FARP1: variants seen among roughly 807,000 people sequenced by gnomAD.
The protein encoded by FARP1 is FERM, ARHGEF and pleckstrin domain-containing protein 1.
Under a neutral mutation model 128.8 loss-of-function variants are expected in FARP1, and 52 were observed. The observed-to-expected ratio is 0.40, with a 90% CI of 0.32 to 0.51. FARP1 has a LOEUF of 0.51. Among genes scored for constraint, FARP1 ranks in the 20% least tolerant of loss-of-function variants. The pLI is 0.45. For synonymous variants in FARP1, 580 were observed against 551.8 expected (o/e 1.05, Z -0.72); for missense variants, 1,333 against 1,367.9 (o/e 0.97, Z 0.40).
At chr13:98,294,016 T>C (rs993096719) in intron 2 of FARP1, among the ~76,000 whole-genome samples, 25 of 152,238 alleles carry the variant, frequency 1.6e-4, no homozygotes, top group African/African-American at 6.0e-4. Flanking sequence ...TATTTATGTG[T>C]GTCGAAGTCC....
chr13:98,310,479 A>G (rs1176443869), intron 2 of FARP1, among the ~76,000 whole-genome samples: 2 of 152,238 alleles, frequency 1.3e-5, no homozygotes, highest in African/African-American at 4.8e-5. Context: ...AAGAATTTGA[A>G]ACTAGGAATT....
chr13:98,326,679 C>G (rs776447726), intron 2 of FARP1, among the ~76,000 whole-genome samples: 9 of 152,218 alleles, frequency 5.9e-5, no homozygotes, highest in Non-Finnish European at 1.0e-4. Flanking sequence ...CTAGGATATG[C>G]AGCTCCAATA....
At chr13:98,327,423 G>A (rs902163331) in intron 2 of FARP1, among the ~76,000 whole-genome samples, 13 of 152,194 alleles carry the variant, frequency 8.5e-5, no homozygotes, top group South Asian at 2.1e-4. Context: ...TCATTAAAAC[G>A]GTGCTTGTTA....
chr13:98,398,675 A>G (rs1283365059), intron 13 of FARP1: 2 of 152,220 alleles, frequency 1.3e-5, no homozygotes, highest in African/African-American at 2.4e-5. Flanking sequence ...TTTTGCAGTT[A>G]TAACACATTT....
chr13:98,442,516 T>A (rs1258407624), intron 24 of FARP1, among the ~76,000 whole-genome samples: 1 of 152,218 alleles, frequency 6.6e-6, no homozygotes, highest in Admixed American at 6.5e-5. Flanking sequence ...TACGAGGCTC[T>A]GTCCCATGGG....
Position 98,213,361 on chromosome 13 carries a change from T to C in FARP1, c.119T>C (p.Val40Ala). The change falls in exon 2 of 27, where the codon GTG becomes GCG. Residue 40 changes from valine to alanine, a missense_variant. By Grantham distance (64) the Val-to-Ala change is moderately conservative. This residue lies in a region of FARP1 where 324 missense variants were observed against 398.1 expected (regional missense o/e 0.81). Transcript: ENST00000319562. Reference sequence around the variant, plus strand: ...CCCCCAACACCTTCAGGAAAACTCGTGTCCATCAAAATCCAGATGCTGGAT... The same window carrying C: ...CCCCCAACACCTTCAGGAAAACTCGCGTCCATCAAAATCCAGATGCTGGAT... ...KPPPTPSGKL[V>A]SIKIQMLDDT... The C allele has an allele frequency of 6.2e-7, 1 of 1,614,128 alleles. No homozygotes were observed. Among genetic ancestry groups the C allele is most frequent in the Non-Finnish European group, 8.5e-7 (1 of 1,180,020 alleles).
Position 98,176,701 on chromosome 13 carries a change from G to C in FARP1, c.-24+33209G>C, listed in dbSNP as rs765866455. On this transcript the variant is annotated intron_variant, in intron 1 of 26. Transcript: ENST00000319562. The surrounding 1 kb of genome is among the most constrained non-coding windows in gnomAD (Gnocchi z 6.2). The stretch of plus-strand genomic sequence containing the variant: ...CACAGTGGCGCGCAGATGCCCTGGC[G>C]CACGTATGGGGCCCTTCCTCGCCAT... The C allele has an allele frequency of 1.4e-5, 22 of 1,614,048 alleles. No individual in the cohort carries two copies. The highest frequency in any genetic ancestry group is 1.9e-5 in the Non-Finnish European group (22 of 1,180,030).
chr13:98,409,114 T>G (rs1223571410), intron 13 of FARP1, among the ~76,000 whole-genome samples: 1 of 152,190 alleles, frequency 6.6e-6, no homozygotes, highest in Admixed American at 6.5e-5. Context: ...CTCTATCTTA[T>G]CATTAATTAC....
intron 24 of FARP1, among the ~76,000 whole-genome samples, chr13:98,441,600 T>C (rs1283502448): frequency 6.6e-6 from 1 of 151,992 alleles, no homozygotes; most frequent in Non-Finnish European, 1.5e-5. Flanking sequence ...ACAGTGGGGG[T>C]CTTAGAACCT....
In FARP1 at chr13:98,176,248, T is replaced by C. The variant is rs369128203; in HGVS notation, c.-24+32756T>C. 8 of 1,608,020 alleles carry C rather than the reference T, an allele frequency of 5.0e-6. No homozygotes were observed. The highest frequency in any genetic ancestry group is 1.1e-5 in the South Asian group (1 of 90,828). ...CTAAGCCATGGGAATTGGACACTCA[T>C]GGGGGTCTTCTGTGAAATGGGACTT... On this transcript the variant is annotated intron_variant, in intron 1 of 26. Transcript: ENST00000319562. This position sits in a 1 kb window ranked among gnomAD's most constrained non-coding sequence, Gnocchi z 6.2.
chr13:98,256,951 A>ATATATATATATATATATATATATG (rs1883633215), intron 2 of FARP1, among the ~76,000 whole-genome samples: 5 of 31,710 alleles, frequency 1.6e-4, no homozygotes, highest in Non-Finnish European at 2.0e-4. Flanking sequence ...ATATGTGGAT[A>ATATATATATATATATATATATATG]TATATATATA....
intron 9 of FARP1, among the ~76,000 whole-genome samples, chr13:98,389,072 G>A (rs962852597): frequency 5.3e-5 from 8 of 152,340 alleles, no homozygotes; most frequent in South Asian, 2.1e-4. Flanking sequence ...CCCAACCAGC[G>A]TGTAGAGTTC....
intron 2 of FARP1, among the ~76,000 whole-genome samples, chr13:98,272,512 G>A (rs1884439380): frequency 1.3e-5 from 2 of 152,108 alleles, no homozygotes; most frequent in South Asian, 4.1e-4. Context: ...TTGTGTTTAG[G>A]AGCTTAAGGG....
intron 2 of FARP1, among the ~76,000 whole-genome samples, chr13:98,257,524 G>C (rs1416385377): frequency 2.6e-5 from 4 of 152,170 alleles, no homozygotes; most frequent in African/African-American, 4.8e-5. Context: ...TGTAATCCCA[G>C]CACTTTGGGA....
chr13:98,363,097 T>C (rs1888939378), intron 3 of FARP1, among the ~76,000 whole-genome samples: 1 of 152,146 alleles, frequency 6.6e-6, no homozygotes, highest in Non-Finnish European at 1.5e-5. Context: ...AAAATACAAA[T>C]CTAATCATGT....
chr13:98,337,378 T>C (rs1404588810), intron 2 of FARP1, among the ~76,000 whole-genome samples: 3 of 152,152 alleles, frequency 2.0e-5, no homozygotes, highest in Middle Eastern at 3.4e-3. Context: ...TCCAAAAAAA[T>C]GTTTAAATAA....
intron 2 of FARP1, among the ~76,000 whole-genome samples, chr13:98,248,933 G>A (rs545346050): frequency 6.6e-6 from 1 of 152,202 alleles, no homozygotes; most frequent in South Asian, 2.1e-4. Flanking sequence ...ACGGGTGTTA[G>A]GGAAGCTTCA....
chr13:98,369,899 A>G (rs558169402), intron 5 of FARP1, among the ~76,000 whole-genome samples: 4 of 152,290 alleles, frequency 2.6e-5, no homozygotes, highest in African/African-American at 9.6e-5. Flanking sequence ...GTCATCATTG[A>G]TCATCATTTA....
In FARP1 at chr13:98,453,664, G is replaced by A. The variant is rs192842742; in HGVS notation, c.*5347G>A. On this transcript the variant is annotated 3_prime_UTR_variant, in exon 27 of 27. Transcript: ENST00000319562. ...AACTGCTTCCGAAATATGGTCCAAA[G>A]CAGGAACAACGTGTCTGCACAAAGA... is the stretch of plus-strand genomic sequence containing the variant. 3.2e-5 allele frequency: 5 copies of A among 154,796 alleles called. No homozygotes were observed. The East Asian group carries it at 9.5e-4, about 29-fold the overall frequency. The allele number at this position is 154,796 out of a possible 1,614,324, so 9.6% of individuals were successfully genotyped here.
Sources: allele counts gnomAD v4.1 joint callset (sites outside exome capture counted in the v4.1 genomes callset), GRCh38; gene constraint gnomAD v4.1.1; regional missense constraint gnomAD v4.1.1; non-coding constraint Gnocchi (gnomAD v3.1); transcripts MANE v1.5; gene names NCBI Gene and HGNC (gene_info 2026-07-23, HGNC 2026-07-21).